Variants in ENTHD1 observed in about 807,000 individuals in gnomAD.
The protein encoded by ENTHD1 is ENTH domain-containing protein 1.
In ENTHD1, 23 loss-of-function variants were observed where a neutral mutation model predicts 39.1. The observed-to-expected ratio is 0.59, with a 90% CI of 0.42 to 0.83. The LOEUF (loss-of-function observed/expected upper bound fraction) is 0.83. Ranked by LOEUF, ENTHD1 falls within the 40% of genes least tolerant of loss-of-function variation. ENTHD1 has a pLI of 0.00. For missense variants in ENTHD1, 624 were observed against 705.4 expected, an observed-to-expected ratio of 0.88 and a Z score of 1.31; for synonymous variants, 230 against 258.2, an observed-to-expected ratio of 0.89 and a Z score of 1.05.
chr22:39,786,864 C>T (rs955338334), intron 5 of ENTHD1, among the ~76,000 whole-genome samples: 1 of 152,190 alleles, frequency 6.6e-6, no homozygotes, highest in African/African-American at 2.4e-5. Flanking sequence ...TCACAAATGA[C>T]AGGATTTTTT....
chr22:39,816,910 T>A (rs1212884884), intron 5 of ENTHD1, among the ~76,000 whole-genome samples: 1 of 151,740 alleles, frequency 6.6e-6, no homozygotes, highest in African/African-American at 2.4e-5. Flanking sequence ...TATATATCTA[T>A]AGATATATAG....
intron 5 of ENTHD1, among the ~76,000 whole-genome samples, chr22:39,784,273 G>C (rs1190101296): frequency 2.6e-5 from 4 of 152,082 alleles, no homozygotes; most frequent in Non-Finnish European, 5.9e-5. Context: ...GTGGAGAAAG[G>C]GTAACTGGCG....
intron 5 of ENTHD1, among the ~76,000 whole-genome samples, chr22:39,812,325 G>T (rs954092793): frequency 7.2e-5 from 11 of 152,182 alleles, no homozygotes; most frequent in Admixed American, 4.6e-4. Flanking sequence ...CCTCCTAGTT[G>T]ACAGCATTGG....
intron 5 of ENTHD1, among the ~76,000 whole-genome samples, chr22:39,780,992 C>T: frequency 8.1e-6 from 1 of 123,218 alleles, no homozygotes; most frequent in South Asian, 2.2e-4. Flanking sequence ...GAGCGAGACT[C>T]CATCTCAAAA....
intron 6 of ENTHD1, among the ~76,000 whole-genome samples, chr22:39,762,320 A>T (rs191273397): frequency 6.6e-5 from 10 of 152,268 alleles, no homozygotes; most frequent in Admixed American, 5.2e-4. Flanking sequence ...GCCAGAACTG[A>T]ACTCTCTTTT....
intron 6 of ENTHD1, among the ~76,000 whole-genome samples, chr22:39,745,155 A>G (rs2064422276): frequency 6.6e-6 from 1 of 152,192 alleles, no homozygotes; most frequent in Non-Finnish European, 1.5e-5. Flanking sequence ...AATCTTCGGT[A>G]ATTTATTCAA....
At chr22:39,799,813 T>C (rs2065584105) in intron 5 of ENTHD1, among the ~76,000 whole-genome samples, 1 of 152,218 alleles carries the variant, frequency 6.6e-6, no homozygotes, top group Middle Eastern at 3.2e-3. Context: ...GTCTCCTGTC[T>C]CTATCACTGG....
At chr22:39,889,287 A>C (rs1158445447) in intron 1 of ENTHD1, among the ~76,000 whole-genome samples, 1 of 152,236 alleles carries the variant, frequency 6.6e-6, no homozygotes, top group Non-Finnish European at 1.5e-5. Context: ...GGACACACAG[A>C]GAGGCCCATA....
intron 2 of ENTHD1, among the ~76,000 whole-genome samples, chr22:39,881,267 T>C (rs1344966575): frequency 6.6e-6 from 1 of 152,240 alleles, no homozygotes; most frequent in Non-Finnish European, 1.5e-5. Flanking sequence ...TGTATCCAAC[T>C]GGTGACTCTT....
intron 4 of ENTHD1, among the ~76,000 whole-genome samples, chr22:39,821,701 C>T (rs781575036): frequency 1.3e-5 from 2 of 152,170 alleles, no homozygotes; most frequent in Non-Finnish European, 2.9e-5. Context: ...TAACAAAATA[C>T]CATCAACTGA....
intron 5 of ENTHD1, among the ~76,000 whole-genome samples, chr22:39,790,128 T>A (rs1318631657): frequency 6.6e-6 from 1 of 152,094 alleles, no homozygotes; most frequent in South Asian, 2.1e-4. Flanking sequence ...CAGTTGACAG[T>A]CAGATCAAAG....
At chr22:39,761,618 T>C (rs2065233476) in intron 6 of ENTHD1, among the ~76,000 whole-genome samples, 1 of 152,152 alleles carries the variant, frequency 6.6e-6, no homozygotes, top group Non-Finnish European at 1.5e-5. Flanking sequence ...TGTTTCTTTT[T>C]CTTTAATCTT....
chr22:39,808,549 A>C (rs2065661436), intron 5 of ENTHD1, among the ~76,000 whole-genome samples: 1 of 152,152 alleles, frequency 6.6e-6, no homozygotes, highest in South Asian at 2.1e-4. Flanking sequence ...TTAATCAAGA[A>C]TCTCTCAGTT....
rs551985215 is a variant in ENTHD1, at chr22:39,793,947, T to C, written c.832+27046A>G. On this transcript the variant is annotated intron_variant, in intron 5 of 6. Transcript: ENST00000325157. ...AGGATCACTTCGGCTATTTGGACTC[T>C]TGTTTGGTTTCATGTGATTTTAGGA... 3.3e-5 allele frequency among the ~76,000 whole-genome samples: 5 copies of C among 152,232 alleles called. No individual in the cohort carries two copies. The South Asian group carries it at 6.2e-4, about 19-fold the overall frequency.
intron 4 of ENTHD1, among the ~76,000 whole-genome samples, chr22:39,832,147 G>A (rs1011555726): frequency 2.6e-5 from 4 of 151,882 alleles, no homozygotes; most frequent in Non-Finnish European, 5.9e-5. Context: ...GTAAGACCTC[G>A]TCTCTACAAA....
At chr22:39,828,585 A>C (rs1032382543) in intron 4 of ENTHD1, among the ~76,000 whole-genome samples, 4 of 152,244 alleles carry the variant, frequency 2.6e-5, no homozygotes, top group Admixed American at 2.0e-4. Context: ...CAATTTAGTA[A>C]ATCACAACTA....
chr22:39,886,073 AAAAG>A (rs2066376830), intron 2 of ENTHD1, among the ~76,000 whole-genome samples: 3 of 152,118 alleles, frequency 2.0e-5, no homozygotes, highest in African/African-American at 7.2e-5. Flanking sequence ...TTTTTTTAAA[AAAAG>A]GGAAGAAAAA....
intron 4 of ENTHD1, among the ~76,000 whole-genome samples, chr22:39,828,396 G>GAATTAACAT (rs1018527408): frequency 7.0e-4 from 106 of 152,214 alleles, no homozygotes; most frequent in African/African-American, 2.4e-3. Flanking sequence ...CAAGAAAAAT[G>GAATTAACAT]AATTAACATA....
chr22:39,858,149 A>T (rs989940149), intron 3 of ENTHD1, among the ~76,000 whole-genome samples: 2 of 152,196 alleles, frequency 1.3e-5, no homozygotes, highest in Admixed American at 1.3e-4. Context: ...CCACTGGTTT[A>T]TTTACTAAGT....
Sources: gnomAD v4.1 joint callset for allele counts (sites outside exome capture counted in the v4.1 genomes callset) on GRCh38, gnomAD v4.1.1 for gene constraint, MANE v1.5 for transcripts, NCBI Gene and HGNC (gene_info 2026-07-23, HGNC 2026-07-21) for gene names.